Variants in QTMAN observed in about 807,000 individuals in gnomAD.
QTMAN encodes queuosine-tRNA mannosyltransferase, also known as tRNA-queuosine alpha-mannosyltransferase.
chr2:144,059,416 T>C, the QTMAN span, among the ~76,000 whole-genome samples: 1 of 152,200 alleles, frequency 6.6e-6, no homozygotes, highest in South Asian at 2.1e-4. Context: ...GCATCATTCA[T>C]CCTTATAACA....
the QTMAN span, chr2:143,938,497 C>A: frequency 2.0e-5 from 3 of 152,160 alleles, no homozygotes; most frequent in Non-Finnish European, 4.4e-5. Context: ...GTTGCTGGGC[C>A]GGTTTTGGAA....
chr2:144,239,910 C>T, the QTMAN span, among the ~76,000 whole-genome samples: 4 of 152,264 alleles, frequency 2.6e-5, no homozygotes, highest in African/African-American at 9.6e-5. Context: ...TAAATAAAAG[C>T]ATTAGATCTC....
At chr2:144,292,154 C>T in the QTMAN span, among the ~76,000 whole-genome samples, 2 of 152,154 alleles carry the variant, frequency 1.3e-5, no homozygotes, top group Non-Finnish European at 2.9e-5. Context: ...GGTCTATTAC[C>T]TTCTAAGGCT....
the QTMAN span, among the ~76,000 whole-genome samples, chr2:144,185,202 A>G: frequency 6.6e-6 from 1 of 152,224 alleles, no homozygotes; most frequent in African/African-American, 2.4e-5. Flanking sequence ...ACTGTAAGGT[A>G]GGTATTATTA....
chr2:143,957,317 C>G, the QTMAN span: 1 of 1,589,888 alleles, frequency 6.3e-7, no homozygotes, highest in African/African-American at 1.4e-5. Context: ...ATCCCAATGC[C>G]TTTTTGGCCT....
chr2:144,275,049 T>G, the QTMAN span, among the ~76,000 whole-genome samples: 3 of 151,962 alleles, frequency 2.0e-5, no homozygotes, highest in African/African-American at 7.3e-5. Flanking sequence ...TATATGAGAA[T>G]AAGAAAAAAA....
chr2:144,196,070 T>C, the QTMAN span, among the ~76,000 whole-genome samples: 1 of 152,070 alleles, frequency 6.6e-6, no homozygotes, highest in African/African-American at 2.4e-5. Context: ...TTTTCTGTTT[T>C]AAAAAATTAA....
At chr2:144,145,392 TA>T in the QTMAN span, among the ~76,000 whole-genome samples, 1 of 151,914 alleles carries the variant, frequency 6.6e-6, no homozygotes, top group Non-Finnish European at 1.5e-5. Flanking sequence ...TGTATTTTTA[TA>T]AAATGATTAG....
At chr2:144,011,561 C>T in the QTMAN span, 1 of 943,112 alleles carries the variant, frequency 1.1e-6, no homozygotes, top group Non-Finnish European at 1.3e-6. Context: ...ACTAATTAAC[C>T]CATCCAGAAC....
chr2:144,215,783 TCA>T, the QTMAN span, among the ~76,000 whole-genome samples: 233 of 152,338 alleles, frequency 1.5e-3, no homozygotes, highest in Non-Finnish European at 2.5e-3. Context: ...ATCTCACCAC[TCA>T]TTTAAAGTAT....
At chr2:144,237,650 T>C in the QTMAN span, among the ~76,000 whole-genome samples, 38 of 152,278 alleles carry the variant, frequency 2.5e-4, no homozygotes, top group African/African-American at 8.9e-4. Context: ...GATCAACTTG[T>C]GCTGTCAAAG....
chr2:144,270,449 TATA>T, the QTMAN span, among the ~76,000 whole-genome samples: 1 of 152,172 alleles, frequency 6.6e-6, no homozygotes, highest in Non-Finnish European at 1.5e-5. Flanking sequence ...ACGCGGCACA[TATA>T]AACCATGGAA....
the QTMAN span, among the ~76,000 whole-genome samples, chr2:143,949,545 C>A: frequency 6.6e-6 from 1 of 151,752 alleles, no homozygotes; most frequent in African/African-American, 2.4e-5. Context: ...GTAAAAGGAA[C>A]AAATTAAAGA....
chr2:144,288,722 A>G, the QTMAN span, among the ~76,000 whole-genome samples: 3 of 152,142 alleles, frequency 2.0e-5, no homozygotes, highest in Non-Finnish European at 2.9e-5. Flanking sequence ...AATTGTCTAC[A>G]GATCCCACCA....
chr2:144,211,629 G>A, the QTMAN span: 1 of 152,480 alleles, frequency 6.6e-6, no homozygotes, highest in African/African-American at 2.4e-5. Context: ...GGAGAAGCTG[G>A]TATTTAAATA....
At chr2:144,171,675 T>C in the QTMAN span, among the ~76,000 whole-genome samples, 1 of 152,156 alleles carries the variant, frequency 6.6e-6, no homozygotes, top group Non-Finnish European at 1.5e-5. Flanking sequence ...TTATAAATTA[T>C]ACACCAAAAG....
the QTMAN span, among the ~76,000 whole-genome samples, chr2:144,090,222 G>T: frequency 3.9e-5 from 6 of 152,160 alleles, no homozygotes; most frequent in African/African-American, 1.4e-4. Flanking sequence ...CCTCAATCCG[G>T]TAAGGGACAC....
the QTMAN span, among the ~76,000 whole-genome samples, chr2:144,243,142 T>C: frequency 1.2e-4 from 18 of 152,218 alleles, no homozygotes; most frequent in South Asian, 2.5e-3. Context: ...ACTCATTCCA[T>C]TTTGTGCTGA....
chr2:144,193,524 A>T, the QTMAN span, among the ~76,000 whole-genome samples: 1 of 147,252 alleles, frequency 6.8e-6, no homozygotes, highest in East Asian at 2.0e-4. Flanking sequence ...GTGTGTGTGT[A>T]TGTGTGTGTG....
Sources: gnomAD v4.1 joint callset for allele counts (sites outside exome capture counted in the v4.1 genomes callset) on GRCh38, gnomAD v4.1.1 for gene constraint, MANE v1.5 for transcripts, NCBI Gene and HGNC (gene_info 2026-07-23, HGNC 2026-07-21) for gene names.